The following XYLT1 variants were observed in gnomAD, a reference collection of about 807,000 sequenced individuals.
XYLT1 encodes xylosyltransferase 1, also known as beta-D-xylosyltransferase 1.
Under a neutral mutation model 91.3 loss-of-function variants are expected in XYLT1, and 36 were observed. The observed-to-expected ratio is 0.39, with a 90% CI of 0.30 to 0.52. The LOEUF is 0.52. Ranked by LOEUF, XYLT1 falls within the 20% of genes least tolerant of loss-of-function variation. The probability of loss-of-function intolerance (pLI) is 0.68; values close to 1 mark genes in which losing one functional copy is unlikely to be tolerated. For synonymous variants in XYLT1, 588 were observed against 532.0 expected, an observed-to-expected ratio of 1.11 and a Z score of -1.45; for missense variants, 1,242 against 1,284.5, an observed-to-expected ratio of 0.97 and a Z score of 0.51.
At chr16:17,456,953 AATTATT>A (rs565788645) in intron 1 of XYLT1, among the ~76,000 whole-genome samples, 6 of 152,240 alleles carry the variant, frequency 3.9e-5, no homozygotes, top group South Asian at 4.1e-4. Flanking sequence ...AGATAATAGC[AATTATT>A]ATTATTATCA....
At chr16:17,262,569 C>T (rs1022863762) in intron 2 of XYLT1, among the ~76,000 whole-genome samples, 1 of 152,202 alleles carries the variant, frequency 6.6e-6, no homozygotes, top group Non-Finnish European at 1.5e-5. Flanking sequence ...AAAATCATTT[C>T]TGTTCCATTC....
At chr16:17,149,160 T>G (rs1421128810) in intron 6 of XYLT1, among the ~76,000 whole-genome samples, 1 of 152,344 alleles carries the variant, frequency 6.6e-6, no homozygotes, top group South Asian at 2.1e-4. Flanking sequence ...AAAAAACATC[T>G]GTGGCTTTTG....
chr16:17,235,326 G>A (rs1471906371), intron 3 of XYLT1, among the ~76,000 whole-genome samples: 2 of 42,656 alleles, frequency 4.7e-5, no homozygotes, highest in African/African-American at 2.1e-4. Flanking sequence ...TTTTTTTTTT[G>A]GAGACCTACT....
At position 17,247,418 on chromosome 16, in the gene XYLT1, C is replaced by T. The variant is rs111343576; in HGVS notation, c.913+11570G>A. Among the ~76,000 whole-genome samples, 858 of 152,270 alleles carry T rather than the reference C, an allele frequency of 5.6e-3. 9 individuals carry two copies. The highest frequency in any genetic ancestry group is 0.019 in the African/African-American group (802 of 41,538). The stretch of plus-strand genomic sequence containing the variant: ...ACCACCCTGCCATGGAAGCGAGTCT[C>T]CCATGCCCACCTGCAGGCTTCCAGA... On this transcript the variant is annotated intron_variant, in intron 3 of 11. Transcript: ENST00000261381.
At chr16:17,264,243 A>G (rs553790154) in intron 2 of XYLT1, among the ~76,000 whole-genome samples, 1 of 151,752 alleles carries the variant, frequency 6.6e-6, no homozygotes, top group South Asian at 2.1e-4. Context: ...CAATCCCCCA[A>G]CTCCTGGCAA....
chr16:17,132,212 C>CA (rs2030509191), intron 9 of XYLT1, among the ~76,000 whole-genome samples: 1 of 152,182 alleles, frequency 6.6e-6, no homozygotes, highest in Non-Finnish European at 1.5e-5. Context: ...TCCAGACTAG[C>CA]AGTGGGGGGG....
intron 3 of XYLT1, among the ~76,000 whole-genome samples, chr16:17,202,662 C>T (rs1025217244): frequency 1.3e-5 from 2 of 152,226 alleles, no homozygotes; most frequent in Non-Finnish European, 2.9e-5. Context: ...TTTCACCTCA[C>T]CCGCACCTCT....
chr16:17,428,951 G>A (rs1439405663), intron 1 of XYLT1, among the ~76,000 whole-genome samples: 1 of 152,188 alleles, frequency 6.6e-6, no homozygotes, highest in Non-Finnish European at 1.5e-5. Context: ...GGGATCAGGA[G>A]GATGCAGGGC....
chr16:17,170,082 T>G (rs1457804563), intron 5 of XYLT1, among the ~76,000 whole-genome samples: 1 of 152,174 alleles, frequency 6.6e-6, no homozygotes, highest in African/African-American at 2.4e-5. Context: ...AATGGGAGCA[T>G]TTAACAATGG....
At chr16:17,183,470 T>C (rs1291407912) in intron 5 of XYLT1, among the ~76,000 whole-genome samples, 1 of 152,210 alleles carries the variant, frequency 6.6e-6, no homozygotes, top group Non-Finnish European at 1.5e-5. Flanking sequence ...TCTCTGCCCC[T>C]ACTCCCCGTG....
At chr16:17,194,441 C>G (rs1023127614) in intron 5 of XYLT1, among the ~76,000 whole-genome samples, 1 of 152,174 alleles carries the variant, frequency 6.6e-6, no homozygotes, top group Non-Finnish European at 1.5e-5. Flanking sequence ...TTAATGCGGG[C>G]CCCCAACCTA....
chr16:17,127,876 G>A lies in XYLT1; in HGVS notation c.2028-15C>T, dbSNP rs150179077. ...TTGGGTAGTATCTGAAAACACAGGC[G>A]CTCATGCATTAGGGCCCAAGGTGTG... On this transcript the variant is annotated splice_polypyrimidine_tract_variant and intron_variant, in intron 9 of 11. Coordinates refer to ENST00000261381, the MANE Select transcript of XYLT1 (RefSeq NM_022166.4). 3,733 of 1,610,116 alleles carry A rather than the reference G, an allele frequency of 2.3e-3. 17 individuals are homozygous for A. Among genetic ancestry groups the A allele is most frequent in the South Asian group, 3.7e-3 (336 of 90,506 alleles).
intron 1 of XYLT1, among the ~76,000 whole-genome samples, chr16:17,365,738 A>G (rs1420392293): frequency 6.6e-6 from 1 of 152,172 alleles, no homozygotes; most frequent in Non-Finnish European, 1.5e-5. Flanking sequence ...AGGCCCTTGG[A>G]GATGGCAATT....
intron 1 of XYLT1, among the ~76,000 whole-genome samples, chr16:17,423,014 T>C (rs1289216484): frequency 1.3e-5 from 2 of 152,226 alleles, no homozygotes; most frequent in South Asian, 4.1e-4. Flanking sequence ...CCGTACAGAC[T>C]AGCAGTACGT....
At position 17,141,158 on chromosome 16, in the gene XYLT1, C is replaced by G; in HGVS notation, c.1582G>C (p.Ala528Pro). The G allele has an allele frequency of 1.2e-6, 2 of 1,613,780 alleles. No individual in the cohort carries two copies. Among genetic ancestry groups the G allele is most frequent in the Non-Finnish European group, 1.7e-6 (2 of 1,179,670 alleles). ...KQFYSYTLLPAESFFHTVLEN... is the reference protein window; with the variant it reads ...KQFYSYTLLPPESFFHTVLEN... ...AAATTTTCCCAGATACTCACCTCAGCAGGAAGCAGGGTGTAGGAGTAGAAC... is the reference window on the plus strand; with the variant it reads ...AAATTTTCCCAGATACTCACCTCAGGAGGAAGCAGGGTGTAGGAGTAGAAC... Residue 528 changes from alanine (A) to proline (P), a missense_variant, in exon 7 of 12, where the codon GCT becomes CCT. By Grantham distance (27) the Ala-to-Pro change is conservative. Around this residue, in one of 3 missense-constraint regions of XYLT1, gnomAD observed 294 missense variants for 376.0 expected, o/e 0.78. Coordinates refer to ENST00000261381, the MANE Select transcript of XYLT1 (RefSeq NM_022166.4).
At chr16:17,316,039 G>A (rs1056744248) in intron 2 of XYLT1, among the ~76,000 whole-genome samples, 2 of 152,144 alleles carry the variant, frequency 1.3e-5, no homozygotes, top group African/African-American at 4.8e-5. Context: ...CAGCAAAGGG[G>A]CACTAGGAAA....
chr16:17,325,493 C>T (rs945382031), intron 2 of XYLT1, among the ~76,000 whole-genome samples: 6 of 152,104 alleles, frequency 3.9e-5, no homozygotes, highest in Non-Finnish European at 8.8e-5. Flanking sequence ...ATGAAAACAG[C>T]AATTTCATAT....
rs2036555821 is a variant in XYLT1, at chr16:17,443,439, T to C, written c.363+26995A>G. Among the ~76,000 whole-genome samples, 3 of 152,246 alleles carry C rather than the reference T, an allele frequency of 2.0e-5. No homozygotes were observed. In the South Asian group the frequency reaches 6.2e-4, roughly 32 times the overall value. ...TGATAGTGAGCGAGTTCTCACGAGA[T>C]CTGATGGTTTAAAACTGACAGTTTC... On this transcript the variant is annotated intron_variant, in intron 1 of 11. Coordinates refer to ENST00000261381, the MANE Select transcript of XYLT1 (RefSeq NM_022166.4).
At position 17,348,161 on chromosome 16, in the gene XYLT1, G is replaced by A. The variant is rs2035171004; in HGVS notation, c.402+9851C>T. On this transcript the variant is annotated intron_variant, in intron 2 of 11. Coordinates refer to ENST00000261381, the MANE Select transcript of XYLT1 (RefSeq NM_022166.4). ...GAGAGTGGATCTGGGGCTGGGGCTT[G>A]CGGGGGAAGAAGACACCCAACATGT... 2.6e-5 allele frequency among the ~76,000 whole-genome samples: 4 copies of A among 152,264 alleles called. No homozygotes were observed. The South Asian group carries it at 6.2e-4, about 24-fold the overall frequency.
Sources: gnomAD v4.1 joint callset for allele counts (sites outside exome capture counted in the v4.1 genomes callset) on GRCh38, gnomAD v4.1.1 for gene constraint, gnomAD v4.1.1 regional missense constraint, MANE v1.5 for transcripts, NCBI Gene and HGNC (gene_info 2026-07-23, HGNC 2026-07-21) for gene names.